The following SH3KBP1 variants were observed in gnomAD, a reference collection of about 807,000 sequenced individuals.
SH3KBP1 encodes SH3 domain-containing kinase-binding protein 1.
SH3KBP1 carries 8 observed loss-of-function variants against 50.1 expected under a neutral mutation model. That is an observed-to-expected ratio of 0.16 (90% CI 0.09 to 0.29). The LOEUF is 0.29. SH3KBP1 is among the 10% of genes least tolerant of loss of function. SH3KBP1 has a pLI of 1.00. For synonymous variants in SH3KBP1, 227 were observed against 218.6 expected, an observed-to-expected ratio of 1.04 and a Z score of -0.34; for missense variants, 377 against 535.2, an observed-to-expected ratio of 0.70 and a Z score of 2.92.
intron 3 of SH3KBP1, among the ~76,000 whole-genome samples, chrX:19,726,431 A>T (rs1191488501): frequency 9.0e-6 from 1 of 111,435 alleles, no homozygotes; most frequent in African/African-American, 3.3e-5. Context: ...CCACTACAAC[A>T]TTTGCATAGG....
chrX:19,632,780 T>G (rs769254697), intron 7 of SH3KBP1, among the ~76,000 whole-genome samples: 1 of 112,946 alleles, frequency 8.9e-6, no homozygotes, highest in African/African-American at 3.2e-5. Context: ...TGAAAACATT[T>G]GTATTTCGGA....
At chrX:19,698,512 T>C (rs934911075) in intron 4 of SH3KBP1, among the ~76,000 whole-genome samples, 8 of 111,936 alleles carry the variant, frequency 7.1e-5, no homozygotes, top group Admixed American at 1.9e-4. Context: ...AGGCCTATCA[T>C]TAACCACGCA....
At chrX:19,789,489 G>A (rs2066466895) in intron 2 of SH3KBP1, among the ~76,000 whole-genome samples, 1 of 110,104 alleles carries the variant, frequency 9.1e-6, no homozygotes, top group Non-Finnish European at 1.9e-5. Flanking sequence ...GGTACATTGG[G>A]TTTCTCCTGG....
chrX:19,792,790 T>C (rs868625245), intron 2 of SH3KBP1, among the ~76,000 whole-genome samples: 1 of 10,632 alleles, frequency 9.4e-5, no homozygotes, highest in African/African-American at 3.7e-4. Flanking sequence ...GGGCGGGGGG[T>C]GGGGGCAGGG....
At chrX:19,704,277 C>G (rs2063601411) in intron 4 of SH3KBP1, among the ~76,000 whole-genome samples, 2 of 112,605 alleles carry the variant, frequency 1.8e-5, no homozygotes, top group Admixed American at 1.9e-4. Context: ...CTATCAGCCT[C>G]TAGGCAAATC....
intron 2 of SH3KBP1, among the ~76,000 whole-genome samples, chrX:19,785,363 CA>C (rs373801274): frequency 0.024 from 2,064 of 84,470 alleles, 44 homozygotes; most frequent in African/African-American, 0.066. Context: ...ACAAAAAATA[CA>C]AAAAAAAAAA....
intron 2 of SH3KBP1, among the ~76,000 whole-genome samples, chrX:19,790,562 G>A (rs766754402): frequency 3.6e-5 from 4 of 111,045 alleles, no homozygotes; most frequent in African/African-American, 6.6e-5. Flanking sequence ...ATTTGATTAG[G>A]GATACATATC....
intron 6 of SH3KBP1, among the ~76,000 whole-genome samples, chrX:19,659,099 T>C (rs1258577307): frequency 2.1e-5 from 2 of 95,348 alleles, no homozygotes; most frequent in East Asian, 7.0e-4. Context: ...CACACCATCA[T>C]GCCCAGCTAA....
intron 2 of SH3KBP1, among the ~76,000 whole-genome samples, chrX:19,773,592 C>G (rs1487214930): frequency 9.1e-6 from 1 of 109,837 alleles, no homozygotes; most frequent in African/African-American, 3.3e-5. Flanking sequence ...CGCAGCGGCT[C>G]ACGCCTGTCA....
chrX:19,880,032 C>A (rs1402383851), intron 1 of SH3KBP1, among the ~76,000 whole-genome samples: 1 of 112,769 alleles, frequency 8.9e-6, no homozygotes, highest in East Asian at 2.8e-4. Context: ...CTCCCCTGAC[C>A]CCCGCCACCA....
intron 12 of SH3KBP1, among the ~76,000 whole-genome samples, chrX:19,574,344 C>A (rs1238086264): frequency 8.9e-6 from 1 of 112,381 alleles, no homozygotes; most frequent in Non-Finnish European, 1.9e-5. Context: ...TTTATGTATG[C>A]CAAAAAGTGT....
At chrX:19,837,265 T>C (rs1319163741) in intron 1 of SH3KBP1, among the ~76,000 whole-genome samples, 5 of 111,430 alleles carry the variant, frequency 4.5e-5, no homozygotes, top group Non-Finnish European at 9.4e-5. Context: ...CCATGTTACA[T>C]TGTTTTCCTG....
intron 2 of SH3KBP1, among the ~76,000 whole-genome samples, chrX:19,748,731 C>T (rs1255111087): frequency 9.0e-6 from 1 of 110,883 alleles, no homozygotes; most frequent in Non-Finnish European, 1.9e-5. Flanking sequence ...CTGGATAACA[C>T]CCAAGCTCAA....
intron 7 of SH3KBP1, among the ~76,000 whole-genome samples, chrX:19,635,978 C>T (rs2061693087): frequency 9.0e-6 from 1 of 111,515 alleles, no homozygotes; most frequent in Non-Finnish European, 1.9e-5. Context: ...GGGTATAATT[C>T]CACATCCTTT....
intron 2 of SH3KBP1, among the ~76,000 whole-genome samples, chrX:19,774,017 T>C (rs1359512248): frequency 9.1e-6 from 1 of 110,115 alleles, no homozygotes; most frequent in Non-Finnish European, 1.9e-5. Context: ...CACCCTTTCA[T>C]AGAAAACGGA....
At chrX:19,567,547 A>ATATATATATATATAT (rs1569292993) in intron 13 of SH3KBP1, among the ~76,000 whole-genome samples, 1 of 73,499 alleles carries the variant, frequency 1.4e-5, no homozygotes, top group African/African-American at 7.0e-5. Context: ...AAAAAAAAAA[A>ATATATATATATATAT]AAAAAAAAAA....
intron 3 of SH3KBP1, among the ~76,000 whole-genome samples, chrX:19,745,294 T>C (rs1048239466): frequency 1.8e-5 from 2 of 112,350 alleles, no homozygotes; most frequent in African/African-American, 6.5e-5. Flanking sequence ...ATATTTGATC[T>C]GAATAATTCA....
At chrX:19,554,413 T>TCATATTAAAATATGATA in intron 13 of SH3KBP1, among the ~76,000 whole-genome samples, 1 of 100,784 alleles carries the variant, frequency 9.9e-6, no homozygotes, top group Non-Finnish European at 2.0e-5. Flanking sequence ...ATATTATATA[T>TCATATTAAAATATGATA]TTTTTTGAGA....
At chrX:19,819,550 A>C (rs891586373) in intron 2 of SH3KBP1, among the ~76,000 whole-genome samples, 1 of 110,499 alleles carries the variant, frequency 9.0e-6, no homozygotes, top group African/African-American at 3.3e-5. Flanking sequence ...GTGTCTTGCT[A>C]TGCTGCCCAG....
Sources: gnomAD v4.1 joint callset for allele counts (sites outside exome capture counted in the v4.1 genomes callset) on GRCh38, gnomAD v4.1.1 for gene constraint, MANE v1.5 for transcripts, NCBI Gene and HGNC (gene_info 2026-07-23, HGNC 2026-07-21) for gene names.